The following PDZD2 variants were observed in gnomAD, a reference collection of about 807,000 sequenced individuals.
PDZD2 encodes the protein PDZ domain containing 2.
PDZD2 carries 90 observed loss-of-function variants against 220.7 expected under a neutral mutation model. The ratio of observed to expected loss-of-function variants is 0.41; its 90% confidence interval spans 0.34 to 0.49. The LOEUF is 0.49. Ranked by LOEUF, PDZD2 falls within the 20% of genes least tolerant of loss-of-function variation. PDZD2 has a pLI of 0.28. For synonymous variants in PDZD2, 1,375 were observed against 1,450.5 expected (o/e 0.95, Z 1.18); for missense variants, 3,174 against 3,608.5 (o/e 0.88, Z 3.08).
In PDZD2 at chr5:32,007,249, C is replaced by A. The variant is rs185234657; in HGVS notation, c.1255-3081C>A. Among the ~76,000 whole-genome samples, 289 of 151,924 alleles carry A rather than the reference C, an allele frequency of 1.9e-3. 1 individual carries two copies. The highest frequency in any genetic ancestry group is 3.5e-3 in the Non-Finnish European group (239 of 67,910). Reference sequence around the variant, plus strand: ...GCTGGTCTTAACCTCTTGGCCTCAACTGATCCACCCGCCACAGCCTCCCAA... The same window carrying A: ...GCTGGTCTTAACCTCTTGGCCTCAAATGATCCACCCGCCACAGCCTCCCAA... On this transcript the variant is annotated intron_variant, in intron 5 of 24. Transcript: ENST00000438447.
chr5:31,904,614 G>A lies in PDZD2; in HGVS notation c.477-78541G>A, dbSNP rs568077366. Among the ~76,000 whole-genome samples the A allele has an allele frequency of 5.3e-5, 8 of 152,108 alleles. No homozygotes were observed. In the South Asian group the frequency reaches 6.2e-4, roughly 12 times the overall value. ...ACGATCTCGGCTCACTGCAAGCTCC[G>A]CCTCCTGGGTTCACACCATTCTCCT... On this transcript the variant is annotated intron_variant, in intron 2 of 24. Coordinates refer to ENST00000438447, the MANE Select transcript of PDZD2 (RefSeq NM_178140.4).
At chr5:31,934,607 TAAAAAAAAAAAAAAAAA>T (rs5867117) in intron 2 of PDZD2, among the ~76,000 whole-genome samples, 2 of 118,082 alleles carry the variant, frequency 1.7e-5, no homozygotes, top group East Asian at 5.1e-4. Flanking sequence ...ACCATCTAAT[TAAAAAAAAAAAAAAAAA>T]AAGACTTAAG....
chr5:31,906,612 G>A (rs969160847), intron 2 of PDZD2, among the ~76,000 whole-genome samples: 7 of 152,242 alleles, frequency 4.6e-5, no homozygotes, highest in African/African-American at 1.4e-4. Flanking sequence ...GGAAGCTGAG[G>A]CGGGCAGATC....
At chr5:32,062,823 A>G (rs1307419556) in intron 14 of PDZD2, among the ~76,000 whole-genome samples, 8 of 152,068 alleles carry the variant, frequency 5.3e-5, no homozygotes, top group Admixed American at 5.2e-4. Context: ...GTGCATTCAC[A>G]TTTTCCAATA....
intron 1 of PDZD2, among the ~76,000 whole-genome samples, chr5:31,740,316 C>T (rs1049470020): frequency 1.3e-5 from 2 of 151,044 alleles, no homozygotes; most frequent in Admixed American, 6.6e-5. Context: ...GTTAGGAGAT[C>T]GAGACCATCC....
At chr5:31,813,921 A>G (rs1755276512) in intron 2 of PDZD2, among the ~76,000 whole-genome samples, 1 of 152,212 alleles carries the variant, frequency 6.6e-6, no homozygotes. Flanking sequence ...TAATCCGAGC[A>G]CTTTGGGAGG....
intron 5 of PDZD2, among the ~76,000 whole-genome samples, chr5:32,002,765 CCA>C (rs148485162): frequency 9.3e-6 from 1 of 107,130 alleles, no homozygotes; most frequent in African/African-American, 4.1e-5. Flanking sequence ...ACCCCACACA[CCA>C]CACACACCAA....
At chr5:31,642,464 A>C (rs1744984698) in intron 1 of PDZD2, among the ~76,000 whole-genome samples, 2 of 152,208 alleles carry the variant, frequency 1.3e-5, no homozygotes, top group African/African-American at 4.8e-5. Flanking sequence ...GTGTTCATGA[A>C]GCCAGGCTGC....
intron 2 of PDZD2, among the ~76,000 whole-genome samples, chr5:31,940,072 A>G (rs1488701976): frequency 1.3e-5 from 2 of 152,176 alleles, no homozygotes; most frequent in Admixed American, 6.5e-5. Context: ...TTTGTAGGTG[A>G]TATAGTCTCT....
intron 18 of PDZD2, among the ~76,000 whole-genome samples, chr5:32,076,181 G>A (rs1741266049): frequency 6.6e-6 from 1 of 151,612 alleles, no homozygotes; most frequent in Non-Finnish European, 1.5e-5. Context: ...AGCTACTCGG[G>A]AGTCTGAGGC....
At chr5:31,881,468 C>G (rs912701835) in intron 2 of PDZD2, among the ~76,000 whole-genome samples, 4 of 151,324 alleles carry the variant, frequency 2.6e-5, no homozygotes, top group Non-Finnish European at 5.9e-5. Flanking sequence ...ACCTCTGCCT[C>G]CCAGATTTAA....
At chr5:31,662,499 G>T (rs567612708) in intron 1 of PDZD2, among the ~76,000 whole-genome samples, 1 of 152,266 alleles carries the variant, frequency 6.6e-6, no homozygotes, top group East Asian at 1.9e-4. Context: ...ATTTCTTGCA[G>T]CTCCAGAGGC....
chr5:31,920,650 T>C (rs1460964468), intron 2 of PDZD2, among the ~76,000 whole-genome samples: 1 of 126,986 alleles, frequency 7.9e-6, no homozygotes, highest in East Asian at 2.0e-4. Flanking sequence ...TAAAAAACAA[T>C]TTTTTTTTTA....
Position 32,089,051 on chromosome 5 carries a change from C to T in PDZD2, c.5603C>T (p.Pro1868Leu), listed in dbSNP as rs111665818. 3.7e-5 allele frequency: 59 copies of T among 1,613,788 alleles called. No individual in the cohort carries two copies. In the African/African-American group the frequency reaches 4.7e-4, roughly 13 times the overall value. ...AATAAGGACCTGTCTAAGAAGAGTC[C>T]GGCAGAAATGCTTCTGACTAATGGT... Reference protein sequence around the residue: ...LENKDLSKKSPAEMLLTNGQK... With the variant: ...LENKDLSKKSLAEMLLTNGQK... Residue 1868 changes from proline (P) to leucine (L), a missense_variant, in exon 20 of 25, where the codon CCG becomes CTG. By Grantham distance (98) the Pro-to-Leu change is moderately conservative. Coordinates refer to ENST00000438447, the MANE Select transcript of PDZD2 (RefSeq NM_178140.4).
intron 2 of PDZD2, among the ~76,000 whole-genome samples, chr5:31,976,259 T>C (rs1749757620): frequency 1.3e-5 from 2 of 152,142 alleles, no homozygotes; most frequent in Admixed American, 1.3e-4. Context: ...GATTTAACAC[T>C]TCCTCTCAAC....
intron 1 of PDZD2, among the ~76,000 whole-genome samples, chr5:31,744,956 C>T (rs1452390539): frequency 1.3e-5 from 2 of 152,002 alleles, no homozygotes; most frequent in East Asian, 1.9e-4. Flanking sequence ...ACCTGTAATC[C>T]CAGCTACTCA....
chr5:32,025,479 C>T (rs905185899), intron 6 of PDZD2, among the ~76,000 whole-genome samples: 4 of 148,730 alleles, frequency 2.7e-5, no homozygotes, highest in Non-Finnish European at 5.9e-5. Context: ...GAGCCAAGAT[C>T]GCGCCATTGC....
At chr5:31,871,520 C>T (rs2221259) in intron 2 of PDZD2, among the ~76,000 whole-genome samples, 4,334 of 152,220 alleles carry the variant, frequency 0.028, 114 homozygotes, top group East Asian at 0.037. Context: ...GACATGATCT[C>T]GGCTCAGTGC....
At chr5:31,772,697 AG>A (rs1305967387) in intron 1 of PDZD2, among the ~76,000 whole-genome samples, 6 of 152,356 alleles carry the variant, frequency 3.9e-5, no homozygotes, top group Non-Finnish European at 8.8e-5. Flanking sequence ...CTATCTTAAA[AG>A]TTTGGTCAAC....
Sources: gnomAD v4.1 joint callset for allele counts (sites outside exome capture counted in the v4.1 genomes callset) on GRCh38, gnomAD v4.1.1 for gene constraint, MANE v1.5 for transcripts, NCBI Gene and HGNC (gene_info 2026-07-23, HGNC 2026-07-21) for gene names.